The following MLIP variants were observed in gnomAD, a reference collection of about 807,000 sequenced individuals.
MLIP encodes the protein muscular LMNA interacting protein.
MLIP carries 79 observed loss-of-function variants against 84.8 expected under a neutral mutation model. The ratio of observed to expected loss-of-function variants is 0.93; its 90% CI spans 0.78 to 1.12. MLIP has a LOEUF of 1.12. MLIP is among the 50% of genes most tolerant of loss of function. The pLI, the probability that MLIP is intolerant of heterozygous loss-of-function variation, is 0.00. For missense variants in MLIP, 1,257 were observed against 1,160.6 expected (o/e 1.08, Z -1.21); for synonymous variants, 504 against 463.0 (o/e 1.09, Z -1.14).
chr6:54,060,190 A>G (rs1314682068), intron 1 of MLIP, among the ~76,000 whole-genome samples: 6 of 152,214 alleles, frequency 3.9e-5, no homozygotes, highest in Admixed American at 2.6e-4. Flanking sequence ...AGAGCTGCTG[A>G]AAGCTATAGT....
At chr6:54,085,407 C>T (rs563896856) in intron 1 of MLIP, among the ~76,000 whole-genome samples, 5 of 152,236 alleles carry the variant, frequency 3.3e-5, no homozygotes. Flanking sequence ...GGATTATAGT[C>T]GTACCTATTT....
chr6:54,125,254 A>G (rs537078120), intron 3 of MLIP, among the ~76,000 whole-genome samples: 16 of 152,346 alleles, frequency 1.1e-4, no homozygotes, highest in African/African-American at 3.4e-4. Flanking sequence ...AGAAAGATCT[A>G]GTGAAAAGAC....
chr6:54,228,280 T>C (rs1016890157), intron 11 of MLIP, among the ~76,000 whole-genome samples: 2 of 151,368 alleles, frequency 1.3e-5, no homozygotes, highest in East Asian at 1.9e-4. Flanking sequence ...TCCAGGATTA[T>C]GCTAAAGAGA....
chr6:54,122,971 G>A (rs947355665), intron 2 of MLIP, among the ~76,000 whole-genome samples: 4 of 148,514 alleles, frequency 2.7e-5, no homozygotes, highest in African/African-American at 1.0e-4. Flanking sequence ...TCGCTCTGTC[G>A]CCCAGGCTAG....
At chr6:54,246,949 C>T (rs995796285) in intron 12 of MLIP, among the ~76,000 whole-genome samples, 5 of 152,026 alleles carry the variant, frequency 3.3e-5, no homozygotes, top group Admixed American at 6.6e-5. Flanking sequence ...TTTATTTTTA[C>T]GGCAGCAACA....
At chr6:54,062,230 A>G (rs1766007980) in intron 1 of MLIP, among the ~76,000 whole-genome samples, 1 of 152,090 alleles carries the variant, frequency 6.6e-6, no homozygotes, top group Non-Finnish European at 1.5e-5. Context: ...AATCCAAACA[A>G]TGTCTATTTC....
At chr6:54,198,635 T>C (rs1017082154) in intron 10 of MLIP, among the ~76,000 whole-genome samples, 6 of 152,206 alleles carry the variant, frequency 3.9e-5, no homozygotes, top group African/African-American at 1.4e-4. Context: ...GACATAGTCA[T>C]GTATTAGAAT....
At chr6:54,138,399 G>A (rs1439793959) in intron 4 of MLIP, 113 bp downstream of exon 4, 19 of 1,242,250 alleles carry the variant, frequency 1.5e-5, no homozygotes, top group Middle Eastern at 2.2e-4. Context: ...CCTACAAGGA[G>A]GAAGAAAAAG....
rs1393652736 is a variant in MLIP, at chr6:54,256,499, T to C, written c.2923-809T>C. Among the ~76,000 whole-genome samples the C allele has an allele frequency of 2.0e-5, 3 of 152,116 alleles. 1 individual carries two copies. The highest frequency in any genetic ancestry group is 7.2e-5 in the African/African-American group (3 of 41,432). ...AAATATTCCTGTCAAACTGGATCTG[T>C]GGTGATTCTAAAGCTGGAGCTAGGA... On this transcript the variant is annotated intron_variant, in intron 12 of 13. Coordinates refer to ENST00000502396, the MANE Select transcript of MLIP (RefSeq NM_001281747.2).
intron 1 of MLIP, among the ~76,000 whole-genome samples, chr6:54,023,170 A>T (rs865847494): frequency 3.2e-3 from 328 of 103,084 alleles, no homozygotes; most frequent in African/African-American, 8.2e-3. Flanking sequence ...CCATCTCAAA[A>T]AATAATAATA....
chr6:54,095,223 G>A (rs184368307), intron 1 of MLIP, among the ~76,000 whole-genome samples: 1 of 152,180 alleles, frequency 6.6e-6, no homozygotes, highest in East Asian at 1.9e-4. Flanking sequence ...CACACAAAGC[G>A]AACTCACCTT....
chr6:54,126,093 T>A (rs933214961), intron 3 of MLIP, among the ~76,000 whole-genome samples: 3 of 152,114 alleles, frequency 2.0e-5, no homozygotes, highest in African/African-American at 7.2e-5. Context: ...TATAATTAAA[T>A]GTATTCCCAA....
At chr6:54,154,822 A>G (rs1773847221) in intron 5 of MLIP, among the ~76,000 whole-genome samples, 1 of 152,176 alleles carries the variant, frequency 6.6e-6, no homozygotes, top group South Asian at 2.1e-4. Context: ...GACTTGAGAG[A>G]GTGATGGATT....
At chr6:54,034,698 TA>T (rs1214562148) in intron 1 of MLIP, among the ~76,000 whole-genome samples, 2 of 152,108 alleles carry the variant, frequency 1.3e-5, no homozygotes, top group Non-Finnish European at 2.9e-5. Context: ...GTACATAAAG[TA>T]AAAAAATTAA....
At chr6:54,131,517 C>T (rs1221212808) in intron 3 of MLIP, among the ~76,000 whole-genome samples, 1 of 152,018 alleles carries the variant, frequency 6.6e-6, no homozygotes, top group African/African-American at 2.4e-5. Context: ...CATATTCTAT[C>T]AGTTAGAAGC....
At chr6:54,230,506 G>A (rs537306293) in intron 11 of MLIP, among the ~76,000 whole-genome samples, 2 of 152,228 alleles carry the variant, frequency 1.3e-5, no homozygotes, top group East Asian at 1.9e-4. Context: ...CTGCAGAAGA[G>A]GCTGGAGGCA....
chr6:54,220,768 A>T (rs1375741655), intron 11 of MLIP, among the ~76,000 whole-genome samples: 1 of 152,210 alleles, frequency 6.6e-6, no homozygotes, highest in Non-Finnish European at 1.5e-5. Context: ...AATAATAAAA[A>T]ATTTGTTCTC....
chr6:54,214,729 C>G (rs1417502335), intron 11 of MLIP, among the ~76,000 whole-genome samples: 4 of 152,154 alleles, frequency 2.6e-5, no homozygotes, highest in African/African-American at 9.7e-5. Flanking sequence ...ACATTTTAAT[C>G]CAGAAACATG....
intron 1 of MLIP, among the ~76,000 whole-genome samples, chr6:54,021,452 T>A (rs182795550): frequency 1.1e-4 from 17 of 152,220 alleles, no homozygotes; most frequent in Non-Finnish European, 1.8e-4. Flanking sequence ...TTTGAAAAAA[T>A]TTCTAAGGTA....
Sources: allele counts gnomAD v4.1 joint callset (sites outside exome capture counted in the v4.1 genomes callset), GRCh38; gene constraint gnomAD v4.1.1; transcripts MANE v1.5; gene names NCBI Gene and HGNC (gene_info 2026-07-23, HGNC 2026-07-21).